The following PRDM16 variants were observed in gnomAD, a reference collection of about 807,000 sequenced individuals.
The protein encoded by PRDM16 is histone-lysine N-methyltransferase PRDM16.
Under a neutral mutation model 110.6 loss-of-function variants are expected in PRDM16, and 23 were observed. That is an observed-to-expected ratio of 0.21 (90% CI 0.15 to 0.29). The LOEUF (loss-of-function observed/expected upper bound fraction) is 0.29, where lower values mean the gene tolerates loss of function less well. Among genes scored for constraint, PRDM16 ranks in the 10% least tolerant of loss-of-function variants. PRDM16 has a pLI of 1.00. For synonymous variants in PRDM16, 799 were observed against 781.8 expected, an observed-to-expected ratio of 1.02 and a Z score of -0.37; for missense variants, 1,615 against 1,794.3, an observed-to-expected ratio of 0.90 and a Z score of 1.81.
chr1:3,070,149 C>T (rs1187515521), intron 1 of PRDM16, among the ~76,000 whole-genome samples: 3 of 151,960 alleles, frequency 2.0e-5, no homozygotes, highest in Non-Finnish European at 2.9e-5. Flanking sequence ...ACCCGCTTGC[C>T]TGGCACAGCC....
Position 3,433,829 on chromosome 1 carries a change from G to A in PRDM16, c.*18G>A, listed in dbSNP as rs1027662273. On this transcript the variant is annotated 3_prime_UTR_variant, in exon 17 of 17. Transcript: ENST00000270722. Reference sequence around the variant, plus strand: ...ACCTCTGACGGGCTGGGCAGCCGGGGGCCGGTGGCCAGAGCGAGGGCACCA... The same window carrying A: ...ACCTCTGACGGGCTGGGCAGCCGGGAGCCGGTGGCCAGAGCGAGGGCACCA... 6 of 1,611,442 alleles carry A rather than the reference G, an allele frequency of 3.7e-6. No individual in the cohort carries two copies. The highest frequency in any genetic ancestry group is 1.7e-5 in the Admixed American group (1 of 59,998).
intron 2 of PRDM16, among the ~76,000 whole-genome samples, chr1:3,218,805 G>A (rs75315005): frequency 7.5e-4 from 115 of 152,332 alleles, no homozygotes; most frequent in African/African-American, 2.7e-3. Context: ...CCAGGTGCAC[G>A]CTCAGCGGAC....
chr1:3,231,282 C>T (rs988103373), intron 2 of PRDM16, among the ~76,000 whole-genome samples: 1 of 152,186 alleles, frequency 6.6e-6, no homozygotes, highest in African/African-American at 2.4e-5. Context: ...GTCTTGAAAA[C>T]GGGTGGTTAC....
chr1:3,429,823 C>A (rs1569784316), intron 14 of PRDM16, among the ~76,000 whole-genome samples: 1 of 152,234 alleles, frequency 6.6e-6, no homozygotes, highest in African/African-American at 2.4e-5. Flanking sequence ...ATTGTGGCCT[C>A]CCCAAGCCCA....
intron 1 of PRDM16, among the ~76,000 whole-genome samples, chr1:3,118,061 ACATG>A (rs1461695200): frequency 6.7e-6 from 1 of 149,094 alleles, no homozygotes; most frequent in African/African-American, 2.5e-5. Context: ...CTGTGTGTGT[ACATG>A]CATGTGTGTG....
In PRDM16 at chr1:3,291,938, C is replaced by T. The variant is rs370059327; in HGVS notation, c.438+47801C>T. ...GGCCCCTCCTGGGCCTGTCTCCCCC[C>T]ACACAGCAGGTGCCTTCTCCCGGGC... On this transcript the variant is annotated intron_variant, in intron 3 of 16. Transcript: ENST00000270722. Among the ~76,000 whole-genome samples, 4 of 152,366 alleles carry T rather than the reference C, an allele frequency of 2.6e-5. No individual in the cohort carries two copies. The East Asian group carries it at 5.8e-4, about 22-fold the overall frequency.
At chr1:3,409,496 C>G (rs1215793603) in intron 8 of PRDM16, among the ~76,000 whole-genome samples, 1 of 152,124 alleles carries the variant, frequency 6.6e-6, no homozygotes, top group Non-Finnish European at 1.5e-5. Flanking sequence ...TGAAAGAACA[C>G]GATCATCTTA....
intron 1 of PRDM16, among the ~76,000 whole-genome samples, chr1:3,182,565 G>T (rs1013223471): frequency 3.3e-5 from 5 of 152,108 alleles, no homozygotes; most frequent in African/African-American, 4.8e-5. Flanking sequence ...GGTGCTGAAG[G>T]CTCCCACTGT....
chr1:3,169,233 A>C (rs1191220271), intron 1 of PRDM16, among the ~76,000 whole-genome samples: 1 of 152,130 alleles, frequency 6.6e-6, no homozygotes, highest in Non-Finnish European at 1.5e-5. Flanking sequence ...CATGGTTTGG[A>C]ACCTCGGGAA....
At chr1:3,277,735 A>ACACACG (rs1024678462) in intron 3 of PRDM16, among the ~76,000 whole-genome samples, 1 of 142,174 alleles carries the variant, frequency 7.0e-6, no homozygotes, top group African/African-American at 2.9e-5. Context: ...ACACGCGCGC[A>ACACACG]CACACGCACA....
At chr1:3,144,979 G>A (rs1643618316) in intron 1 of PRDM16, among the ~76,000 whole-genome samples, 1 of 152,160 alleles carries the variant, frequency 6.6e-6, no homozygotes, top group Non-Finnish European at 1.5e-5. Flanking sequence ...TTCAGGTGAG[G>A]TCACCTGAGC....
intron 1 of PRDM16, among the ~76,000 whole-genome samples, chr1:3,181,048 A>G (rs986248350): frequency 0.032 from 4,361 of 136,438 alleles, 114 homozygotes; most frequent in Admixed American, 0.046. Context: ...TTACACACGC[A>G]GTCTTACACG....
intron 3 of PRDM16, among the ~76,000 whole-genome samples, chr1:3,381,400 GTTT>G (rs58504087): frequency 2.2e-5 from 3 of 135,104 alleles, no homozygotes. Context: ...TTTTTTTCTG[GTTT>G]TTTTTTTTTT....
chr1:3,183,160 C>T (rs1644230555), intron 1 of PRDM16, among the ~76,000 whole-genome samples: 1 of 152,240 alleles, frequency 6.6e-6, no homozygotes, highest in African/African-American at 2.4e-5. Flanking sequence ...AAATGCACAC[C>T]TGTGTCACAG....
intron 3 of PRDM16, among the ~76,000 whole-genome samples, chr1:3,348,919 C>T (rs1642420031): frequency 6.6e-6 from 1 of 152,294 alleles, no homozygotes; most frequent in East Asian, 1.9e-4. Context: ...GGAGAGGCAC[C>T]TGATGGGGCA....
chr1:3,396,098 C>T (rs2100629449), intron 4 of PRDM16, among the ~76,000 whole-genome samples: 1 of 152,334 alleles, frequency 6.6e-6, no homozygotes, highest in South Asian at 2.1e-4. Context: ...CTCCCCCTCC[C>T]CCGCCGCCAC....
chr1:3,372,399 G>T (rs553678058), intron 3 of PRDM16, among the ~76,000 whole-genome samples: 1 of 152,212 alleles, frequency 6.6e-6, no homozygotes, highest in Non-Finnish European at 1.5e-5. Flanking sequence ...GGGGTGCCAC[G>T]TTTACAAGCT....
In PRDM16 at chr1:3,157,629, T is replaced by C. The variant is rs1335169090; in HGVS notation, c.38-28496T>C. Among the ~76,000 whole-genome samples, 1 of 152,132 alleles carries C rather than the reference T, an allele frequency of 6.6e-6. No homozygotes were observed. The highest frequency in any genetic ancestry group is 2.4e-5 in the African/African-American group (1 of 41,428). On this transcript the variant is annotated intron_variant, in intron 1 of 16. Coordinates refer to ENST00000270722, the MANE Select transcript of PRDM16 (RefSeq NM_022114.4). This position sits in a 1 kb window ranked among gnomAD's most constrained non-coding sequence, Gnocchi z 4.8. ...AAAGTGGACCTGTCGGCTCTGTTCA[T>C]GGACAGTATGGTGGGGCCTGAACAG...
At chr1:3,165,591 C>CCAGGGACAGGGACTCACCTGGGCT (rs1557495919) in intron 1 of PRDM16, among the ~76,000 whole-genome samples, 6 of 11,518 alleles carry the variant, frequency 5.2e-4, no homozygotes, top group Non-Finnish European at 7.2e-4. Context: ...TCACCTGGGC[C>CCAGGGACAGGGACTCACCTGGGCT]CAGGGACAGG....
Sources: allele counts gnomAD v4.1 joint callset (sites outside exome capture counted in the v4.1 genomes callset), GRCh38; gene constraint gnomAD v4.1.1; non-coding constraint Gnocchi (gnomAD v3.1); transcripts MANE v1.5; gene names NCBI Gene and HGNC (gene_info 2026-07-23, HGNC 2026-07-21).